Variants in CDK14 observed in about 807,000 individuals in gnomAD.
CDK14 encodes the protein cyclin-dependent kinase 14.
Under a neutral mutation model 60.7 loss-of-function variants are expected in CDK14, and 34 were observed. That is an observed-to-expected ratio of 0.56 (90% CI 0.43 to 0.75). The LOEUF is 0.75. CDK14 is among the 30% of genes least tolerant of loss of function. The pLI is 0.00. For synonymous variants in CDK14, 197 were observed against 203.7 expected, an observed-to-expected ratio of 0.97 and a Z score of 0.28; for missense variants, 482 against 564.1, an observed-to-expected ratio of 0.85 and a Z score of 1.47.
At chr7:91,081,849 AT>A (rs1222479814) in intron 12 of CDK14, among the ~76,000 whole-genome samples, 8 of 152,132 alleles carry the variant, frequency 5.3e-5, no homozygotes, top group Non-Finnish European at 1.2e-4. Context: ...ATTCAAAAGA[AT>A]AATAGAAAGA....
chr7:90,945,368 C>G (rs1794070538), intron 8 of CDK14, among the ~76,000 whole-genome samples: 1 of 152,122 alleles, frequency 6.6e-6, no homozygotes, highest in African/African-American at 2.4e-5. Context: ...CAAAGGGCAA[C>G]ACAAATGGGG....
intron 7 of CDK14, among the ~76,000 whole-genome samples, chr7:90,913,223 T>TAGA (rs1035467289): frequency 9.2e-5 from 14 of 152,200 alleles, no homozygotes; most frequent in African/African-American, 3.4e-4. Flanking sequence ...CCTATTTGTC[T>TAGA]AGAAGAACTC....
chr7:91,133,989 T>G (rs1439113165), intron 14 of CDK14, among the ~76,000 whole-genome samples: 4 of 152,134 alleles, frequency 2.6e-5, no homozygotes, highest in East Asian at 1.9e-4. Context: ...GATTAAGAGA[T>G]AGCATAGAAA....
At chr7:91,155,674 A>G (rs1156344919) in intron 14 of CDK14, among the ~76,000 whole-genome samples, 1 of 152,222 alleles carries the variant, frequency 6.6e-6, no homozygotes, top group African/African-American at 2.4e-5. Context: ...TAGAAAATAA[A>G]CAAGATTGCA....
chr7:90,786,848 G>A (rs1044989893), intron 4 of CDK14, among the ~76,000 whole-genome samples: 2 of 146,074 alleles, frequency 1.4e-5, no homozygotes, highest in Non-Finnish European at 3.0e-5. Context: ...GAGCCCCGGA[G>A]ATGGAGGCTG....
At chr7:90,878,581 T>G (rs576584782) in intron 6 of CDK14, among the ~76,000 whole-genome samples, 1 of 151,794 alleles carries the variant, frequency 6.6e-6, no homozygotes, top group African/African-American at 2.4e-5. Flanking sequence ...TTACAAAGAT[T>G]AATTTATAAA....
chr7:90,766,162 A>G (rs1271036493), intron 4 of CDK14, among the ~76,000 whole-genome samples: 1 of 151,226 alleles, frequency 6.6e-6, no homozygotes, highest in Non-Finnish European at 1.5e-5. Flanking sequence ...CATTTTCTTC[A>G]TTGATACTAG....
rs59850073 is a variant in CDK14 at position 91,128,503 on chromosome 7, G to A, written c.*28+10295G>A. Among the ~76,000 whole-genome samples, 551 of 152,150 alleles carry A rather than the reference G, an allele frequency of 3.6e-3. 7 individuals are homozygous for A. Among genetic ancestry groups the A allele is most frequent in the African/African-American group, 0.013 (520 of 41,524 alleles). ...ATGCTGTCTGAAATGTTCACCTAAC[G>A]TTAAGATTTTTTATCTTTCACAGAA... is the stretch of plus-strand genomic sequence containing the variant. On this transcript the variant is annotated intron_variant, in intron 14 of 14. Transcript: ENST00000380050.
intron 5 of CDK14, among the ~76,000 whole-genome samples, chr7:90,806,001 G>A (rs954602159): frequency 6.6e-6 from 1 of 152,102 alleles, no homozygotes; most frequent in Non-Finnish European, 1.5e-5. Flanking sequence ...GACATTTGTG[G>A]GCAGTTGATT....
intron 10 of CDK14, among the ~76,000 whole-genome samples, chr7:91,012,187 A>G (rs1796180758): frequency 6.6e-6 from 1 of 152,154 alleles, no homozygotes; most frequent in Admixed American, 6.5e-5. Flanking sequence ...TTTCTGCACT[A>G]CTGAAACAAG....
chr7:90,615,863 C>T (rs146235780), intron 2 of CDK14, among the ~76,000 whole-genome samples: 4 of 152,212 alleles, frequency 2.6e-5, no homozygotes, highest in Non-Finnish European at 5.9e-5. Flanking sequence ...TCTTCACTTC[C>T]CCTATCAAAA....
chr7:91,161,884 T>C (rs1287768302), intron 14 of CDK14, among the ~76,000 whole-genome samples: 1 of 152,234 alleles, frequency 6.6e-6, no homozygotes, highest in Non-Finnish European at 1.5e-5. Context: ...TGTGAATCAA[T>C]AATTTCTAAT....
chr7:91,074,716 G>T lies in CDK14; in HGVS notation c.1106-4716G>T, dbSNP rs1049141489. On this transcript the variant is annotated intron_variant, in intron 11 of 14. Coordinates refer to ENST00000380050, the MANE Select transcript of CDK14 (RefSeq NM_001287135.2). ...AAAAGATGAATGTATCCAGGAGCTG[G>T]TTTTTTTGAAAAAATTAACAAAATA... 1.9e-4 allele frequency among the ~76,000 whole-genome samples: 29 copies of T among 151,926 alleles called. 1 individual carries two copies. Among genetic ancestry groups the T allele is most frequent in the African/African-American group, 5.8e-4 (24 of 41,352 alleles).
intron 11 of CDK14, among the ~76,000 whole-genome samples, chr7:91,059,041 G>C (rs902418204): frequency 6.6e-6 from 1 of 152,058 alleles, no homozygotes; most frequent in African/African-American, 2.4e-5. Context: ...TCCTGGACTT[G>C]TTTTGGTTGG....
At chr7:90,781,243 G>A (rs1286289848) in intron 4 of CDK14, among the ~76,000 whole-genome samples, 15 of 152,058 alleles carry the variant, frequency 9.9e-5, no homozygotes, top group South Asian at 4.2e-4. Flanking sequence ...CATGTCCTTC[G>A]CCCACTTTTT....
intron 6 of CDK14, among the ~76,000 whole-genome samples, chr7:90,888,608 C>T (rs150770457): frequency 2.6e-5 from 4 of 152,212 alleles, no homozygotes; most frequent in Admixed American, 6.5e-5. Flanking sequence ...CCTGTGATTT[C>T]GAGATCTTCC....
chr7:90,747,793 G>C lies in CDK14; in HGVS notation c.464+18G>C. ...AAAAGCAAGTAAGTTCATTATTTTT[G>C]GAATATTTCACATGTACAGTGTATC... On this transcript the variant is annotated intron_variant, in intron 4 of 14. Transcript: ENST00000380050. 7.1e-7 allele frequency: 1 copy of C among 1,417,460 alleles called. No individual in the cohort carries two copies. Among genetic ancestry groups the C allele is most frequent in the Non-Finnish European group, 9.6e-7 (1 of 1,041,434 alleles). The allele number at this position is 1,417,460 out of a possible 1,614,324, so 87.8% of individuals were successfully genotyped here.
At chr7:90,641,204 T>G (rs1800320724) in intron 2 of CDK14, among the ~76,000 whole-genome samples, 1 of 152,082 alleles carries the variant, frequency 6.6e-6, no homozygotes, top group Non-Finnish European at 1.5e-5. Flanking sequence ...TCACCTGCTT[T>G]GGAAAACAGT....
chr7:90,692,298 A>G (rs1299838774), intron 2 of CDK14, among the ~76,000 whole-genome samples: 1 of 152,146 alleles, frequency 6.6e-6, no homozygotes, highest in Admixed American at 6.6e-5. Context: ...ATATTCCATT[A>G]CATTTCTATA....
Sources: gnomAD v4.1 joint callset for allele counts (sites outside exome capture counted in the v4.1 genomes callset) on GRCh38, gnomAD v4.1.1 for gene constraint, MANE v1.5 for transcripts, NCBI Gene and HGNC (gene_info 2026-07-23, HGNC 2026-07-21) for gene names.